PSME4: variants seen among roughly 807,000 people sequenced by gnomAD.
The protein encoded by PSME4 is proteasome activator subunit 4.
In PSME4, 89 loss-of-function variants were observed where a neutral mutation model predicts 253.9. The ratio of observed to expected loss-of-function variants is 0.35; its 90% confidence interval spans 0.30 to 0.42. The LOEUF (loss-of-function observed/expected upper bound fraction) is 0.42, where lower values mean the gene tolerates loss of function less well. PSME4 is among the 10% of genes least tolerant of loss of function. PSME4 has a pLI of 1.00. For synonymous variants in PSME4, 851 were observed against 759.2 expected, an observed-to-expected ratio of 1.12 and a Z score of -1.99; for missense variants, 2,014 against 2,195.2, an observed-to-expected ratio of 0.92 and a Z score of 1.65.
At position 53,871,731 on chromosome 2, in the gene PSME4, T is replaced by C. The variant is rs537404591; in HGVS notation, c.5101-2193A>G. The stretch of plus-strand genomic sequence containing the variant: ...TATTTTTTAAAGCCGGAGGTGGTGA[T>C]TGGCAGGGCATGGTGGCTCACGCCT... On this transcript the variant is annotated intron_variant, in intron 43 of 46. Transcript: ENST00000404125. Among the ~76,000 whole-genome samples, 22 of 152,222 alleles carry C rather than the reference T, an allele frequency of 1.4e-4. No homozygotes were observed. The South Asian group carries it at 4.4e-3, about 30-fold the overall frequency.
At chr2:53,879,258 T>C (rs368311211) in intron 41 of PSME4, among the ~76,000 whole-genome samples, 3 of 152,114 alleles carry the variant, frequency 2.0e-5, no homozygotes, top group Non-Finnish European at 4.4e-5. Flanking sequence ...AAGCACAACA[T>C]TGGAAATAAT....
intron 40 of PSME4, among the ~76,000 whole-genome samples, chr2:53,886,856 A>AATTC (rs1679663238): frequency 1.3e-5 from 2 of 152,232 alleles, no homozygotes; most frequent in African/African-American, 4.8e-5. Flanking sequence ...ATGATTCAGA[A>AATTC]ATTCATTCAT....
chr2:53,887,122 G>A (rs1285702077), intron 40 of PSME4, 137 bp downstream of exon 40: 4 of 724,592 alleles, frequency 5.5e-6, no homozygotes, highest in Non-Finnish European at 9.1e-6. Flanking sequence ...CCACTGAACT[G>A]TACACTTAAA....
intron 21 of PSME4, among the ~76,000 whole-genome samples, chr2:53,909,449 A>G (rs900335188): frequency 6.6e-6 from 1 of 152,232 alleles, no homozygotes; most frequent in Non-Finnish European, 1.5e-5. Context: ...AGTATAACAT[A>G]TAAGTGCTAG....
chr2:53,970,723 G>A lies in PSME4; in HGVS notation c.62C>T (p.Pro21Leu), dbSNP rs1370497077. Residue 21 changes from proline (P) to leucine (L), a missense_variant, in exon 1 of 47, where the codon CCG (proline) becomes CTG (leucine). Transcript: ENST00000404125. ...CTGCGGGACGAAGCCCCGCGGGCCC[G>A]GCTCGGGACGCCCGCCCGGCTCCGG... ...EPPEPGGRPE[P>L]GPRGFVPQKE... 11 of 1,547,880 alleles carry A rather than the reference G, an allele frequency of 7.1e-6. No individual in the cohort carries two copies. Among genetic ancestry groups the A allele is most frequent in the Non-Finnish European group, 9.6e-6 (11 of 1,146,038 alleles).
Position 53,939,985 on chromosome 2 carries a change from A to G in PSME4, c.516T>C (p.Ile172=), listed in dbSNP as rs149829782. The G allele has an allele frequency of 7.4e-4, 1,185 of 1,593,248 alleles. No individual in the cohort carries two copies. The highest frequency in any genetic ancestry group is 9.8e-4 in the Non-Finnish European group (1,137 of 1,164,542). Residue 172 remains isoleucine (I), a synonymous_variant, in exon 4 of 47, where the codon ATT becomes ATC. Coordinates refer to ENST00000404125, the MANE Select transcript of PSME4 (RefSeq NM_014614.3). ...LNWFPNSVEN[I]LKTLVKSCRP... The stretch of plus-strand genomic sequence containing the variant: ...GGCAGCTTTTCACGAGTGTTTTGAG[A>G]ATATTTTCTACAGAACTGGGGGGGG...
chr2:53,919,019 G>T (rs924752774), intron 20 of PSME4, 132 bp downstream of exon 20: 37 of 810,216 alleles, frequency 4.6e-5, no homozygotes, highest in South Asian at 2.7e-4. Context: ...TGGTATTTTT[G>T]ACCTTAACAG....
intron 1 of PSME4, among the ~76,000 whole-genome samples, chr2:53,966,563 C>CAA (rs35339533): frequency 2.9e-5 from 4 of 136,814 alleles, no homozygotes; most frequent in East Asian, 2.1e-4. Context: ...ACTCTGTCTC[C>CAA]AAAAAAAAAA....
At chr2:53,970,088 A>T (rs1670978591) in intron 1 of PSME4, among the ~76,000 whole-genome samples, 1 of 152,190 alleles carries the variant, frequency 6.6e-6, no homozygotes. Flanking sequence ...CGGAGATGCG[A>T]AGAGGCGGGG....
At chr2:53,874,561 A>G in intron 42 of PSME4, 67 bp from the exon 43 acceptor site, 1 of 1,370,390 alleles carries the variant, frequency 7.3e-7, no homozygotes, top group Non-Finnish European at 1.0e-6. Context: ...ACAGATAGTG[A>G]CATTACACAC....
chr2:53,892,683 G>T, intron 36 of PSME4, 125 bp downstream of exon 36: 1 of 819,538 alleles, frequency 1.2e-6, no homozygotes, highest in Non-Finnish European at 1.8e-6. Context: ...TCTACATATC[G>T]GCATATTTCA....
At chr2:53,965,407 T>C (rs1670674214) in intron 1 of PSME4, among the ~76,000 whole-genome samples, 1 of 152,030 alleles carries the variant, frequency 6.6e-6, no homozygotes, top group African/African-American at 2.4e-5. Flanking sequence ...AAATTTTGTA[T>C]TTTTAGTAGA....
At chr2:53,878,601 T>C (rs1005974951) in intron 41 of PSME4, among the ~76,000 whole-genome samples, 6 of 152,234 alleles carry the variant, frequency 3.9e-5, no homozygotes, top group African/African-American at 1.4e-4. Context: ...AAAGAGAATG[T>C]GTCCCTAAGG....
intron 1 of PSME4, 36 bp downstream of exon 1, chr2:53,970,507 C>A (rs756510154): frequency 3.2e-6 from 5 of 1,547,556 alleles, no homozygotes; most frequent in Non-Finnish European, 4.4e-6. Flanking sequence ...CTGAGCCTTT[C>A]CCCCCGGCCC....
At position 53,949,356 on chromosome 2, in the gene PSME4, C is replaced by T. The variant is rs145485741; in HGVS notation, c.243-73G>A. The stretch of plus-strand genomic sequence containing the variant: ...CATCCATGTTCAATGCAGCATTATC[C>T]ATAGAAGCCAAGATGTAGATGCAAC... On this transcript the variant is annotated intron_variant, in intron 1 of 46. Transcript: ENST00000404125. 595 of 994,990 alleles carry T rather than the reference C, an allele frequency of 6.0e-4. 4 individuals are homozygous for T. In the East Asian group the frequency reaches 0.014, roughly 23 times the overall value. 61.6% of individuals were successfully genotyped at this position (994,990 alleles called of 1,614,324 possible). A position where few individuals can be genotyped will look rare whatever the true frequency, so the allele number is the denominator to read the frequency against.
chr2:53,931,463 T>C (rs1235437107), intron 10 of PSME4, among the ~76,000 whole-genome samples: 3 of 152,222 alleles, frequency 2.0e-5, no homozygotes, highest in East Asian at 3.8e-4. Flanking sequence ...AATTTTCTTC[T>C]CTACCACTGA....
intron 40 of PSME4, among the ~76,000 whole-genome samples, chr2:53,886,249 A>T (rs1476870354): frequency 6.6e-6 from 1 of 152,166 alleles, no homozygotes; most frequent in African/African-American, 2.4e-5. Context: ...TCTCTAGAAA[A>T]TATTTAAAAA....
At chr2:53,872,751 A>T (rs1238099842) in intron 43 of PSME4, among the ~76,000 whole-genome samples, 1 of 118,158 alleles carries the variant, frequency 8.5e-6, no homozygotes, top group African/African-American at 3.4e-5. Context: ...CAAAAAAAAA[A>T]AAAAAAAAAA....
intron 14 of PSME4, among the ~76,000 whole-genome samples, chr2:53,925,210 C>G (rs1668509292): frequency 6.6e-6 from 1 of 152,138 alleles, no homozygotes; most frequent in African/African-American, 2.4e-5. Context: ...GCAAAGGGGA[C>G]AGTTGTTTAA....
Sources: gnomAD v4.1 joint callset for allele counts (sites outside exome capture counted in the v4.1 genomes callset) on GRCh38, gnomAD v4.1.1 for gene constraint, MANE v1.5 for transcripts, NCBI Gene and HGNC (gene_info 2026-07-23, HGNC 2026-07-21) for gene names.